Variants in CDCA2 observed in about 807,000 individuals in gnomAD.
CDCA2 encodes the protein cell division cycle-associated protein 2.
In CDCA2, 44 loss-of-function variants were observed where a neutral mutation model predicts 67.0. That is an observed-to-expected ratio of 0.66 (90% CI 0.52 to 0.84). The LOEUF is 0.84. Among genes scored for constraint, CDCA2 ranks in the 40% least tolerant of loss-of-function variants. The pLI is 0.00. For synonymous variants in CDCA2, 447 were observed against 418.7 expected, an observed-to-expected ratio of 1.07 and a Z score of -0.82; for missense variants, 1,253 against 1,203.2, an observed-to-expected ratio of 1.04 and a Z score of -0.61.
chr8:25,498,100 C>CAGTT (rs1247436054), intron 13 of CDCA2, among the ~76,000 whole-genome samples: 2 of 151,934 alleles, frequency 1.3e-5, no homozygotes, highest in African/African-American at 2.4e-5. Flanking sequence ...CTGATTAGAA[C>CAGTT]AGTTGTTTTA....
Position 25,507,870 on chromosome 8 carries a change from A to G in CDCA2, c.*132A>G. On this transcript the variant is annotated 3_prime_UTR_variant, in exon 15 of 15. Coordinates refer to ENST00000330560, the MANE Select transcript of CDCA2 (RefSeq NM_152562.4). ...TAATAAATAAACTCATTTGAGTTGA[A>G]CCTACTTTTATGTAGAAATAAATAA... is the stretch of plus-strand genomic sequence containing the variant. 1.2e-6 allele frequency: 1 copy of G among 802,388 alleles called. No homozygotes were observed. The highest frequency in any genetic ancestry group is 1.8e-6 in the Non-Finnish European group (1 of 560,768). 49.7% of individuals were successfully genotyped at this position (802,388 alleles called of 1,614,324 possible). A position where few individuals can be genotyped will look rare whatever the true frequency, so the allele number is the denominator to read the frequency against.
At chr8:25,478,277 T>C (rs1441053605) in intron 7 of CDCA2, among the ~76,000 whole-genome samples, 1 of 152,182 alleles carries the variant, frequency 6.6e-6, no homozygotes, top group Non-Finnish European at 1.5e-5. Context: ...TGACAAATGC[T>C]ACTAGGTCTT....
At chr8:25,468,910 CCATT>C (rs912782467) in intron 6 of CDCA2, among the ~76,000 whole-genome samples, 37 of 152,254 alleles carry the variant, frequency 2.4e-4, no homozygotes, top group African/African-American at 7.7e-4. Context: ...AATCAGGGTG[CCATT>C]CAGCAATTTC....
chr8:25,475,630 A>T (rs1803319312), intron 7 of CDCA2, among the ~76,000 whole-genome samples: 1 of 152,200 alleles, frequency 6.6e-6, no homozygotes, highest in South Asian at 2.1e-4. Context: ...ACTGACCTAC[A>T]GTTGCTTCTC....
Position 25,480,110 on chromosome 8 carries a change from C to T in CDCA2, c.1018C>T (p.Leu340=). Residue 340 remains leucine, a synonymous_variant, in exon 8 of 15, where the codon CTA becomes TTA. Transcript: ENST00000330560. ...VLKKPSVKMC[L]ESLQEHCNNL... is the part of the protein sequence containing the mutation. ...GAAGAAACCCTCTGTTAAGATGTGT[C>T]TAGAGAGCTTACAGGTAAGAAGAGA... 6.2e-7 allele frequency: 1 copy of T among 1,613,764 alleles called. No individual in the cohort carries two copies. Among genetic ancestry groups the T allele is most frequent in the Non-Finnish European group, 8.5e-7 (1 of 1,179,826 alleles).
chr8:25,483,968 G>C lies in CDCA2; in HGVS notation c.1123G>C (p.Asp375His), dbSNP rs1306048441. Reference protein sequence around the residue: ...PNCCKEKEAEDEENFEAPAFL... With the variant: ...PNCCKEKEAEHEENFEAPAFL... ...TCTCATTTATTGTCTAATTATAGAAGATGAAGAAAATTTTGAAGCACCTGC... is the reference window on the plus strand; with the variant it reads ...TCTCATTTATTGTCTAATTATAGAACATGAAGAAAATTTTGAAGCACCTGC... Residue 375 changes from aspartate (D) to histidine (H), a missense_variant and splice_region_variant, in exon 10 of 15, where the codon GAT becomes CAT. Physicochemically the swap from Asp to His is moderately conservative, Grantham distance 81. Coordinates refer to ENST00000330560, the MANE Select transcript of CDCA2 (RefSeq NM_152562.4). 6.2e-7 allele frequency: 1 copy of C among 1,612,020 alleles called. No homozygotes were observed. Among genetic ancestry groups the C allele is most frequent in the Non-Finnish European group, 8.5e-7 (1 of 1,178,610 alleles).
Position 25,487,296 on chromosome 8 carries a change from A to G in CDCA2, c.1495A>G (p.Lys499Glu). ...TAACCATGAGAAAATATCCTCTCCTAAAGTTGGTAGAATAACAAGGACTTC... is the reference window on the plus strand; with the variant it reads ...TAACCATGAGAAAATATCCTCTCCTGAAGTTGGTAGAATAACAAGGACTTC... ...SNNHEKISSP[K>E]VGRITRTSNR... The change falls in exon 12 of 15, where the codon AAA becomes GAA. Residue 499 changes from lysine (K) to glutamate (E), a missense_variant. By Grantham distance (56) the Lys-to-Glu change is moderately conservative (BLOSUM62 1). Transcript: ENST00000330560. The G allele has an allele frequency of 4.3e-6, 7 of 1,610,088 alleles. No homozygotes were observed. Among genetic ancestry groups the G allele is most frequent in the Non-Finnish European group, 5.9e-6 (7 of 1,176,714 alleles).
At chr8:25,462,324 T>C (rs1490574607) in intron 4 of CDCA2, 116 bp downstream of exon 4, 1 of 1,213,268 alleles carries the variant, frequency 8.2e-7, no homozygotes, top group Non-Finnish European at 1.2e-6. Flanking sequence ...TTCTCTGTGT[T>C]TTAGAGAACA....
At chr8:25,503,626 T>C in intron 14 of CDCA2, 82 bp downstream of exon 14, 1 of 1,346,652 alleles carries the variant, frequency 7.4e-7, no homozygotes, top group African/African-American at 1.5e-5. Flanking sequence ...TTCACTTTTT[T>C]CCCATTCACT....
chr8:25,479,887 C>A, intron 7 of CDCA2, 26 bp from the exon 8 acceptor site: 1 of 1,601,578 alleles, frequency 6.2e-7, no homozygotes. Context: ...TCTTCTGCCT[C>A]TCAAGTTTAC....
chr8:25,460,575 G>A (rs763000588), intron 3 of CDCA2, 21 bp downstream of exon 3: 3 of 1,593,020 alleles, frequency 1.9e-6, no homozygotes, highest in African/African-American at 2.7e-5. Flanking sequence ...TTGTCATTCT[G>A]TTGTAATGCT....
intron 13 of CDCA2, among the ~76,000 whole-genome samples, chr8:25,491,971 T>A (rs1163998718): frequency 6.6e-6 from 1 of 151,910 alleles, no homozygotes; most frequent in African/African-American, 2.4e-5. Flanking sequence ...CTAATTTTTG[T>A]ATTTTTAGTA....
intron 13 of CDCA2, among the ~76,000 whole-genome samples, chr8:25,489,535 G>T (rs1264051579): frequency 6.6e-6 from 1 of 152,104 alleles, no homozygotes; most frequent in Admixed American, 6.5e-5. Context: ...ATCTGACATA[G>T]CCCCTAGAGA....
chr8:25,475,929 TATCCCAGA>T (rs1245602695), intron 7 of CDCA2, among the ~76,000 whole-genome samples: 1 of 152,196 alleles, frequency 6.6e-6, no homozygotes, highest in Non-Finnish European at 1.5e-5. Context: ...TCCTGCGAAG[TATCCCAGA>T]ATGGTGGGGA....
chr8:25,496,746 A>G (rs957785374), intron 13 of CDCA2, among the ~76,000 whole-genome samples: 5 of 152,178 alleles, frequency 3.3e-5, no homozygotes, highest in African/African-American at 1.2e-4. Flanking sequence ...CAGATGAAAG[A>G]TTACAAGTGT....
At chr8:25,470,573 T>C (rs1171470736) in intron 7 of CDCA2, among the ~76,000 whole-genome samples, 1 of 152,216 alleles carries the variant, frequency 6.6e-6, no homozygotes, top group Admixed American at 6.5e-5. Context: ...ATTATTGCTC[T>C]GTAATCTTTC....
intron 8 of CDCA2, among the ~76,000 whole-genome samples, chr8:25,481,388 C>A (rs1803565156): frequency 6.6e-6 from 1 of 152,164 alleles, no homozygotes; most frequent in South Asian, 2.1e-4. Context: ...TCATTAGAAT[C>A]ATGTGAAAAC....
chr8:25,464,877 G>A (rs896339941), intron 4 of CDCA2, among the ~76,000 whole-genome samples: 2 of 152,128 alleles, frequency 1.3e-5, no homozygotes, highest in Admixed American at 6.6e-5. Context: ...ATGTAATAGA[G>A]AATTTGCTTT....
chr8:25,487,554 A>G (rs553546735), intron 12 of CDCA2, among the ~76,000 whole-genome samples: 4 of 152,264 alleles, frequency 2.6e-5, no homozygotes, highest in African/African-American at 7.2e-5. Context: ...ATTCTGGCTA[A>G]CACGGTAAAA....
Sources: allele counts gnomAD v4.1 joint callset (sites outside exome capture counted in the v4.1 genomes callset), GRCh38; gene constraint gnomAD v4.1.1; transcripts MANE v1.5; gene names NCBI Gene and HGNC (gene_info 2026-07-23, HGNC 2026-07-21).